Variants in MAGI2 observed in about 807,000 individuals in gnomAD.
MAGI2 encodes the protein membrane associated guanylate kinase, WW and PDZ domain containing 2, also known as membrane-associated guanylate kinase, WW and PDZ domain-containing protein 2.
Under a neutral mutation model 133.3 loss-of-function variants are expected in MAGI2, and 35 were observed. The ratio of observed to expected loss-of-function variants is 0.26; its 90% CI spans 0.20 to 0.35. The LOEUF is 0.35. Ranked by LOEUF, MAGI2 falls within the 10% of genes least tolerant of loss-of-function variation. The pLI is 1.00. For synonymous variants in MAGI2, 729 were observed against 710.6 expected (o/e 1.03, Z -0.41); for missense variants, 1,636 against 1,863.4 (o/e 0.88, Z 2.25).
At chr7:78,310,811 A>G (rs1178437651) in intron 9 of MAGI2, among the ~76,000 whole-genome samples, 2 of 152,236 alleles carry the variant, frequency 1.3e-5, no homozygotes, top group African/African-American at 4.8e-5. Flanking sequence ...ACTTGAAAGC[A>G]TAAGCTATTT....
intron 4 of MAGI2, among the ~76,000 whole-genome samples, chr7:78,514,794 G>A (rs983414038): frequency 5.9e-5 from 9 of 152,188 alleles, no homozygotes; most frequent in African/African-American, 2.2e-4. Context: ...CACAGGACCT[G>A]GATGCGGGTC....
intron 3 of MAGI2, among the ~76,000 whole-genome samples, chr7:78,587,024 G>A (rs1257380817): frequency 6.6e-6 from 1 of 152,142 alleles, no homozygotes; most frequent in African/African-American, 2.4e-5. Context: ...TGTAAATAAT[G>A]CTGCTATGAA....
intron 1 of MAGI2, among the ~76,000 whole-genome samples, chr7:79,391,448 A>G (rs1173697283): frequency 6.7e-6 from 1 of 148,374 alleles, no homozygotes; most frequent in Non-Finnish European, 1.5e-5. Flanking sequence ...GAAACGGTTA[A>G]AAGAAGGAAA....
At chr7:78,603,364 C>G (rs921380373) in intron 3 of MAGI2, among the ~76,000 whole-genome samples, 10 of 152,158 alleles carry the variant, frequency 6.6e-5, no homozygotes, top group Admixed American at 2.6e-4. Flanking sequence ...TGTTAGATGA[C>G]TATCCTGAGG....
chr7:78,191,681 C>T (rs1409446070), intron 12 of MAGI2, among the ~76,000 whole-genome samples: 1 of 152,232 alleles, frequency 6.6e-6, no homozygotes, highest in Non-Finnish European at 1.5e-5. Context: ...CTTCCTGTCT[C>T]TGTCCTGCTC....
At chr7:79,125,596 G>T (rs1207411994) in intron 1 of MAGI2, 5 of 506,672 alleles carry the variant, frequency 9.9e-6, no homozygotes, top group Admixed American at 9.0e-5. Context: ...AAGTGACTCT[G>T]GTGGTGGTAG....
chr7:78,369,305 G>C, intron 6 of MAGI2, 92 bp from the exon 7 acceptor site: 1 of 893,410 alleles, frequency 1.1e-6, no homozygotes, highest in Non-Finnish European at 1.7e-6. Context: ...TTGCAGAAAT[G>C]GTCTGCCAAA....
In MAGI2 at chr7:78,449,906, A is replaced by T. The variant is rs144299015; in HGVS notation, c.1045+39855T>A. Among the ~76,000 whole-genome samples the T allele has an allele frequency of 5.3e-3, 800 of 152,200 alleles. 2 individuals carry two copies. Among genetic ancestry groups the T allele is most frequent in the African/African-American group, 0.018 (737 of 41,554 alleles). On this transcript the variant is annotated intron_variant, in intron 6 of 21. Coordinates refer to ENST00000354212, the MANE Select transcript of MAGI2 (RefSeq NM_012301.4). ...ACAGCTGCAGTTTCTTTGCACTTCAAATCATCCCTCATAGCATATTTTACA... is the reference window on the plus strand; with the variant it reads ...ACAGCTGCAGTTTCTTTGCACTTCATATCATCCCTCATAGCATATTTTACA...
intron 1 of MAGI2, among the ~76,000 whole-genome samples, chr7:79,057,552 T>C (rs751932255): frequency 3.3e-5 from 5 of 152,214 alleles, no homozygotes; most frequent in African/African-American, 4.8e-5. Context: ...TTGCTATCCC[T>C]CAGGTTGTCT....
At chr7:79,434,242 C>G (rs1393332347) in intron 1 of MAGI2, among the ~76,000 whole-genome samples, 1 of 152,056 alleles carries the variant, frequency 6.6e-6, no homozygotes, top group Non-Finnish European at 1.5e-5. Flanking sequence ...TCATTAGTAG[C>G]CAAACTCTCT....
chr7:79,443,711 T>C (rs1451808215), intron 1 of MAGI2, among the ~76,000 whole-genome samples: 1 of 152,232 alleles, frequency 6.6e-6, no homozygotes, highest in African/African-American at 2.4e-5. Context: ...ATGTAAAGTA[T>C]AAACAGTTTT....
chr7:78,276,463 A>T (rs1385101387), intron 9 of MAGI2, among the ~76,000 whole-genome samples: 2 of 149,282 alleles, frequency 1.3e-5, no homozygotes, highest in African/African-American at 2.5e-5. Flanking sequence ...GTGGAATTTT[A>T]TTTTTTTTTT....
intron 15 of MAGI2, among the ~76,000 whole-genome samples, chr7:78,162,904 A>AGAC (rs1563201355): frequency 6.6e-6 from 1 of 152,170 alleles, no homozygotes; most frequent in Non-Finnish European, 1.5e-5. Flanking sequence ...GACCCAAGTG[A>AGAC]GACGGTCTTC....
At chr7:78,838,263 T>C (rs770797510) in intron 2 of MAGI2, among the ~76,000 whole-genome samples, 26 of 152,070 alleles carry the variant, frequency 1.7e-4, no homozygotes, top group Non-Finnish European at 2.8e-4. Flanking sequence ...AAAAGACAGA[T>C]ATAAATCTTG....
chr7:78,058,548 T>C (rs894228165), intron 21 of MAGI2, among the ~76,000 whole-genome samples: 27 of 151,670 alleles, frequency 1.8e-4, no homozygotes, highest in Non-Finnish European at 4.4e-5. Context: ...CTCGGCTCAC[T>C]GCAAACTCCG....
chr7:78,335,588 A>G (rs1351319600), intron 9 of MAGI2, among the ~76,000 whole-genome samples: 1 of 152,202 alleles, frequency 6.6e-6, no homozygotes, highest in Admixed American at 6.5e-5. Flanking sequence ...ATGGATAGGA[A>G]TAACAGGGGA....
intron 1 of MAGI2, among the ~76,000 whole-genome samples, chr7:79,321,587 T>C (rs1434842685): frequency 6.6e-6 from 1 of 152,220 alleles, no homozygotes; most frequent in Non-Finnish European, 1.5e-5. Context: ...ATTTTTTTCT[T>C]TCTATAAATT....
chr7:78,089,623 G>A (rs919408206), intron 20 of MAGI2, among the ~76,000 whole-genome samples: 4 of 152,080 alleles, frequency 2.6e-5, no homozygotes, highest in African/African-American at 7.2e-5. Context: ...GAGGAGTGGC[G>A]TCAGGGTTAC....
At chr7:78,683,230 G>A (rs1424240747) in intron 2 of MAGI2, among the ~76,000 whole-genome samples, 1 of 152,020 alleles carries the variant, frequency 6.6e-6, no homozygotes, top group Non-Finnish European at 1.5e-5. Context: ...CCATTGTAAG[G>A]GCAATACCAA....
Sources: gnomAD v4.1 joint callset for allele counts (sites outside exome capture counted in the v4.1 genomes callset) on GRCh38, gnomAD v4.1.1 for gene constraint, MANE v1.5 for transcripts, NCBI Gene and HGNC (gene_info 2026-07-23, HGNC 2026-07-21) for gene names.